Variants in HOMER1 observed in about 807,000 individuals in gnomAD.
HOMER1 encodes homer scaffold protein 1.
A neutral mutation model predicts 48.9 loss-of-function variants in HOMER1; 3 were observed. The ratio of observed to expected loss-of-function variants is 0.06; its 90% CI spans 0.03 to 0.16. The LOEUF is 0.16. HOMER1 is among the 10% of genes least tolerant of loss of function. The probability of loss-of-function intolerance (pLI) is 1.00; values close to 1 mark genes in which losing one functional copy is unlikely to be tolerated. For synonymous variants in HOMER1, 134 were observed against 146.4 expected (o/e 0.92, Z 0.61); for missense variants, 247 against 411.4 (o/e 0.60, Z 3.46).
At chr5:79,391,317 AC>A (rs1749244777) in intron 8 of HOMER1, among the ~76,000 whole-genome samples, 1 of 151,726 alleles carries the variant, frequency 6.6e-6, no homozygotes, top group Admixed American at 6.6e-5. Context: ...TTTTGTAGAG[AC>A]AAGGTCTCAC....
intron 1 of HOMER1, among the ~76,000 whole-genome samples, chr5:79,488,353 T>A: frequency 6.6e-6 from 1 of 152,226 alleles, no homozygotes; most frequent in East Asian, 1.9e-4. Context: ...AGATACCCAA[T>A]CCACTATCCT....
chr5:79,375,372 G>A lies in HOMER1; in HGVS notation c.*637C>T, dbSNP rs1371528461. 1 of 152,028 alleles carries A rather than the reference G, an allele frequency of 6.6e-6. No homozygotes were observed. Among genetic ancestry groups the A allele is most frequent in the African/African-American group, 2.4e-5 (1 of 41,436 alleles). The allele number at this position is 152,028 out of a possible 1,614,324, so 9.4% of individuals were successfully genotyped here. A position where few individuals can be genotyped will look rare whatever the true frequency, so the allele number is the denominator to read the frequency against. ...CAACAGACAAGATTAGAGAACACCAGAGTGTACCAGAGTAGTCACCAGAGT... is the reference window on the plus strand; with the variant it reads ...CAACAGACAAGATTAGAGAACACCAAAGTGTACCAGAGTAGTCACCAGAGT... On this transcript the variant is annotated 3_prime_UTR_variant, in exon 9 of 9. Transcript: ENST00000334082.
chr5:79,487,587 G>A lies in HOMER1; in HGVS notation c.5+25183C>T, dbSNP rs968192856. On this transcript the variant is annotated intron_variant, in intron 1 of 8. Transcript: ENST00000334082. Reference sequence around the variant, plus strand: ...ATAAAGATTGTGAAAAATTCTACAGGACAAATTGGGTAAATAAACAGCAAG... The same window carrying A: ...ATAAAGATTGTGAAAAATTCTACAGAACAAATTGGGTAAATAAACAGCAAG... Among the ~76,000 whole-genome samples the A allele has an allele frequency of 7.8e-4, 118 of 152,232 alleles. 1 individual carries two copies. Among genetic ancestry groups the A allele is most frequent in the African/African-American group, 2.7e-3 (112 of 41,538 alleles).
rs1207664031 is a variant in HOMER1, at chr5:79,374,849, ACC to A, written c.*1158_*1159del. ...TTGAATTTAATTCCTGTTTTGAAAT[ACC>A]TAGTTAACAATTCAGAATATTGCCT... On this transcript the variant is annotated 3_prime_UTR_variant, in exon 9 of 9. Coordinates refer to ENST00000334082, the MANE Select transcript of HOMER1 (RefSeq NM_004272.5). 2.0e-5 allele frequency: 3 copies of A among 152,212 alleles called. No homozygotes were observed. The highest frequency in any genetic ancestry group is 7.2e-5 in the African/African-American group (3 of 41,574). The allele number at this position is 152,212 out of a possible 1,614,324, so 9.4% of individuals were successfully genotyped here. A position where few individuals can be genotyped will look rare whatever the true frequency, so the allele number is the denominator to read the frequency against.
chr5:79,416,569 C>A (rs1749949706), intron 5 of HOMER1, among the ~76,000 whole-genome samples: 1 of 152,216 alleles, frequency 6.6e-6, no homozygotes, highest in South Asian at 2.1e-4. Context: ...GTAAGAGCAA[C>A]ATTTCTATGT....
intron 1 of HOMER1, among the ~76,000 whole-genome samples, chr5:79,468,275 T>C (rs1014289710): frequency 1.4e-4 from 22 of 152,194 alleles, no homozygotes; most frequent in African/African-American, 5.1e-4. Context: ...CCTGGGTATG[T>C]GAATCTACTT....
chr5:79,447,171 T>G, intron 3 of HOMER1, 26 bp from the exon 4 acceptor site: 2 of 1,437,142 alleles, frequency 1.4e-6, no homozygotes, highest in Non-Finnish European at 2.0e-6. Flanking sequence ...CTACATACAT[T>G]AACCAAATAA....
At chr5:79,429,781 T>C (rs1394163464) in intron 5 of HOMER1, among the ~76,000 whole-genome samples, 1 of 152,160 alleles carries the variant, frequency 6.6e-6, no homozygotes, top group East Asian at 1.9e-4. Context: ...CCCAGCACTT[T>C]GGGAGGAAGA....
At chr5:79,493,721 TCTCTA>T (rs1752350549) in intron 1 of HOMER1, among the ~76,000 whole-genome samples, 1 of 152,116 alleles carries the variant, frequency 6.6e-6, no homozygotes, top group Non-Finnish European at 1.5e-5. Context: ...TAATTATCCC[TCTCTA>T]CTCTAATATT....
At chr5:79,504,410 CA>C (rs11285306) in intron 1 of HOMER1, among the ~76,000 whole-genome samples, 68,245 of 123,370 alleles carry the variant, frequency 0.55, 17,938 homozygotes, top group African/African-American at 0.74. Context: ...AAAGAATAAG[CA>C]AAAAAAAAAA....
At chr5:79,379,265 T>C (rs543284291) in intron 8 of HOMER1, among the ~76,000 whole-genome samples, 1,920 of 105,178 alleles carry the variant, frequency 0.018, 87 homozygotes, top group African/African-American at 0.072. Flanking sequence ...TTATATATAT[T>C]ATATATTATA....
At chr5:79,465,988 T>C (rs1751454785) in intron 1 of HOMER1, among the ~76,000 whole-genome samples, 1 of 152,306 alleles carries the variant, frequency 6.6e-6, no homozygotes, top group African/African-American at 2.4e-5. Context: ...TTGGCCACTT[T>C]AATAAGTAGC....
intron 8 of HOMER1, among the ~76,000 whole-genome samples, chr5:79,391,937 T>C (rs891928985): frequency 6.6e-6 from 1 of 152,044 alleles, no homozygotes; most frequent in Admixed American, 6.6e-5. Flanking sequence ...TATGCAACAG[T>C]GGTCCCATAA....
Position 79,392,700 on chromosome 5 carries a change from T to TCTTA in HOMER1, c.876+4119_876+4122dup, listed in dbSNP as rs1166703939. 3.9e-5 allele frequency among the ~76,000 whole-genome samples: 6 copies of TCTTA among 152,182 alleles called. 1 individual carries two copies. The highest frequency in any genetic ancestry group is 3.9e-4 in the Admixed American group (6 of 15,270). Reference sequence around the variant, plus strand: ...AAGTCTACAGCAGTGTATGGTAATATCTTAGGTCTTCAAATTCACTCACCA... The same window carrying TCTTA: ...AAGTCTACAGCAGTGTATGGTAATATCTTACTTAGGTCTTCAAATTCACTCACCA... On this transcript the variant is annotated intron_variant, in intron 8 of 8. Coordinates refer to ENST00000334082, the MANE Select transcript of HOMER1 (RefSeq NM_004272.5).
At chr5:79,482,304 C>T (rs1176032585) in intron 1 of HOMER1, among the ~76,000 whole-genome samples, 1 of 152,082 alleles carries the variant, frequency 6.6e-6, no homozygotes, top group Non-Finnish European at 1.5e-5. Flanking sequence ...ATAAGTAAAA[C>T]ATAACCCATA....
chr5:79,494,387 G>C (rs983511454), intron 1 of HOMER1, among the ~76,000 whole-genome samples: 3 of 152,012 alleles, frequency 2.0e-5, no homozygotes, highest in Non-Finnish European at 4.4e-5. Context: ...CTCTCCTCTT[G>C]GTTCCCTTTA....
chr5:79,442,667 C>T (rs1750766197), intron 4 of HOMER1, among the ~76,000 whole-genome samples: 4 of 152,310 alleles, frequency 2.6e-5, no homozygotes, highest in Admixed American at 2.0e-4. Flanking sequence ...TACCATTTAA[C>T]AAACATTCAT....
chr5:79,416,712 A>G (rs1749952935), intron 5 of HOMER1, among the ~76,000 whole-genome samples: 1 of 152,220 alleles, frequency 6.6e-6, no homozygotes, highest in African/African-American at 2.4e-5. Flanking sequence ...AGGAATGGAA[A>G]TACAAGGGTG....
chr5:79,453,829 T>C (rs1751092996), intron 2 of HOMER1, among the ~76,000 whole-genome samples: 1 of 152,046 alleles, frequency 6.6e-6, no homozygotes, highest in Non-Finnish European at 1.5e-5. Context: ...AACTCAATCA[T>C]GAAGAGCAGA....
Sources: allele counts gnomAD v4.1 joint callset (sites outside exome capture counted in the v4.1 genomes callset), GRCh38; gene constraint gnomAD v4.1.1; transcripts MANE v1.5; gene names NCBI Gene and HGNC (gene_info 2026-07-23, HGNC 2026-07-21).